The following PALLD variants were observed in gnomAD, a reference collection of about 807,000 sequenced individuals.
PALLD encodes the protein palladin.
In PALLD, 61 loss-of-function variants were observed where a neutral mutation model predicts 123.5. The ratio of observed to expected loss-of-function variants is 0.49; its 90% CI spans 0.40 to 0.61. PALLD has a LOEUF of 0.61. Ranked by LOEUF, PALLD falls within the 20% of genes least tolerant of loss-of-function variation. PALLD has a pLI of 0.00. For missense variants in PALLD, 1,273 were observed against 1,377.0 expected (o/e 0.92, Z 1.20); for synonymous variants, 465 against 496.4 (o/e 0.94, Z 0.84).
At chr4:168,827,468 A>T (rs549149698) in intron 10 of PALLD, among the ~76,000 whole-genome samples, 82 of 152,382 alleles carry the variant, frequency 5.4e-4, no homozygotes, top group Admixed American at 9.1e-4. Context: ...AATTCAAAAT[A>T]GTCCAAGATT....
intron 2 of PALLD, among the ~76,000 whole-genome samples, chr4:168,590,881 T>G (rs1316264759): frequency 1.4e-5 from 2 of 139,554 alleles, no homozygotes; most frequent in South Asian, 2.5e-4. Context: ...TTTTTTTTTT[T>G]TTTTTTTTTT....
intron 2 of PALLD, among the ~76,000 whole-genome samples, chr4:168,607,202 A>G (rs1773269724): frequency 6.6e-6 from 1 of 152,182 alleles, no homozygotes; most frequent in Non-Finnish European, 1.5e-5. Flanking sequence ...AGTGCAGATG[A>G]TAAGTCATAT....
intron 17 of PALLD, among the ~76,000 whole-genome samples, chr4:168,918,826 C>G (rs74315547): frequency 0.014 from 2,080 of 152,120 alleles, 15 homozygotes; most frequent in Non-Finnish European, 0.021. Context: ...TTCATACAGA[C>G]CACTTGTAAA....
chr4:168,622,145 G>C (rs527846556), intron 2 of PALLD, among the ~76,000 whole-genome samples: 4 of 152,078 alleles, frequency 2.6e-5, no homozygotes, highest in African/African-American at 9.6e-5. Context: ...ATAGGCTCTG[G>C]GTCAAAACAC....
intron 8 of PALLD, among the ~76,000 whole-genome samples, chr4:168,706,246 T>C (rs368326831): frequency 1.3e-4 from 20 of 152,242 alleles, no homozygotes; most frequent in African/African-American, 3.6e-4. Flanking sequence ...TTAAGTGGAA[T>C]TTTGCAGTAT....
intron 2 of PALLD, among the ~76,000 whole-genome samples, chr4:168,628,454 C>T (rs1169606147): frequency 3.9e-5 from 6 of 152,176 alleles, no homozygotes; most frequent in Non-Finnish European, 8.8e-5. Context: ...TGACATTCTA[C>T]ATCTCACTTT....
intron 10 of PALLD, among the ~76,000 whole-genome samples, chr4:168,821,710 T>A (rs943961820): frequency 6.6e-6 from 1 of 151,584 alleles, no homozygotes; most frequent in African/African-American, 2.4e-5. Flanking sequence ...ACCTCGTCTC[T>A]ACTAAAAAAA....
At chr4:168,509,839 C>A (rs913573097) in intron 1 of PALLD, among the ~76,000 whole-genome samples, 1 of 152,180 alleles carries the variant, frequency 6.6e-6, no homozygotes, top group Admixed American at 6.5e-5. Flanking sequence ...TGATTAACTA[C>A]CCTCTGTTAA....
chr4:168,923,631 T>C (rs963280492), intron 18 of PALLD, among the ~76,000 whole-genome samples: 1 of 152,154 alleles, frequency 6.6e-6, no homozygotes, highest in Admixed American at 6.6e-5. Flanking sequence ...TAATAAAGCT[T>C]TTTTATAACC....
chr4:168,574,874 G>A (rs553688950), intron 2 of PALLD, among the ~76,000 whole-genome samples: 6 of 152,208 alleles, frequency 3.9e-5, no homozygotes, highest in Non-Finnish European at 8.8e-5. Context: ...ATTAAAGCTA[G>A]AAGAGATTCC....
chr4:168,694,944 G>T (rs1360550671), intron 8 of PALLD, among the ~76,000 whole-genome samples: 3 of 152,176 alleles, frequency 2.0e-5, no homozygotes, highest in Non-Finnish European at 4.4e-5. Flanking sequence ...GGGGGTGGGG[G>T]ACACAGAAGA....
chr4:168,542,386 A>G (rs1280461174), intron 2 of PALLD, among the ~76,000 whole-genome samples: 1 of 151,966 alleles, frequency 6.6e-6, no homozygotes, highest in African/African-American at 2.4e-5. Flanking sequence ...ACTGCACTCT[A>G]GCCTGGGCAA....
chr4:168,563,805 C>T (rs1188760269), intron 2 of PALLD, among the ~76,000 whole-genome samples: 1 of 152,158 alleles, frequency 6.6e-6, no homozygotes, highest in Non-Finnish European at 1.5e-5. Flanking sequence ...CTGTGTTCTA[C>T]TAATGACCAA....
chr4:168,770,571 A>G (rs1734258473), intron 10 of PALLD, among the ~76,000 whole-genome samples: 1 of 152,226 alleles, frequency 6.6e-6, no homozygotes, highest in Non-Finnish European at 1.5e-5. Flanking sequence ...TTCATAGAGC[A>G]TTCAGATCTT....
intron 2 of PALLD, among the ~76,000 whole-genome samples, chr4:168,628,509 C>G (rs921974860): frequency 6.6e-6 from 1 of 152,190 alleles, no homozygotes; most frequent in Non-Finnish European, 1.5e-5. Flanking sequence ...CTCAAACGTG[C>G]TAGGCATGGT....
At chr4:168,633,292 A>G (rs1211516279) in intron 2 of PALLD, among the ~76,000 whole-genome samples, 2 of 152,088 alleles carry the variant, frequency 1.3e-5, no homozygotes, top group African/African-American at 2.4e-5. Flanking sequence ...AGACTCTTAC[A>G]TTTCCCCCCG....
chr4:168,531,752 C>A (rs1713719435), intron 2 of PALLD, among the ~76,000 whole-genome samples: 1 of 152,104 alleles, frequency 6.6e-6, no homozygotes, highest in African/African-American at 2.4e-5. Flanking sequence ...AAGGTATTGG[C>A]CACCAGGTCA....
At chr4:168,797,191 G>A (rs1263023701) in intron 10 of PALLD, among the ~76,000 whole-genome samples, 1 of 152,022 alleles carries the variant, frequency 6.6e-6, no homozygotes, top group East Asian at 1.9e-4. Context: ...ACAGTTGGAT[G>A]AGCAAAGAAA....
intron 1 of PALLD, among the ~76,000 whole-genome samples, chr4:168,503,453 T>C (rs1398508409): frequency 6.6e-6 from 1 of 151,926 alleles, no homozygotes; most frequent in Admixed American, 6.6e-5. Context: ...ATCGAGACCA[T>C]CCTGCTAACA....
Sources: gnomAD v4.1 joint callset for allele counts (sites outside exome capture counted in the v4.1 genomes callset) on GRCh38, gnomAD v4.1.1 for gene constraint, MANE v1.5 for transcripts, NCBI Gene and HGNC (gene_info 2026-07-23, HGNC 2026-07-21) for gene names.